CTNND2: variants seen among roughly 807,000 people sequenced by gnomAD.
The protein encoded by CTNND2 is catenin delta 2, also known as catenin delta-2.
CTNND2 carries 22 observed loss-of-function variants against 144.4 expected under a neutral mutation model. The observed-to-expected ratio is 0.15, with a 90% CI of 0.11 to 0.22. CTNND2 has a LOEUF of 0.22. CTNND2 is among the 10% of genes least tolerant of loss of function. CTNND2 has a pLI of 1.00. For missense variants in CTNND2, 1,353 were observed against 1,618.8 expected, an observed-to-expected ratio of 0.84 and a Z score of 2.82; for synonymous variants, 751 against 695.6, an observed-to-expected ratio of 1.08 and a Z score of -1.25.
chr5:11,457,724 G>A (rs1166865190), intron 3 of CTNND2, among the ~76,000 whole-genome samples: 1 of 152,218 alleles, frequency 6.6e-6, no homozygotes, highest in Non-Finnish European at 1.5e-5. Flanking sequence ...GGACACTTGT[G>A]TAGGATCCAG....
At chr5:11,150,617 CTTTTTTTTTTTT>C (rs10602477) in intron 12 of CTNND2, among the ~76,000 whole-genome samples, 7 of 72,016 alleles carry the variant, frequency 9.7e-5, no homozygotes, top group Admixed American at 3.9e-4. Flanking sequence ...CTGCTGCCTT[CTTTTTTTTTTTT>C]TTTTTTTTTT....
intron 1 of CTNND2, among the ~76,000 whole-genome samples, chr5:11,891,270 G>A (rs1329681166): frequency 6.6e-6 from 1 of 152,140 alleles, no homozygotes; most frequent in Non-Finnish European, 1.5e-5. Context: ...TTTAAACTGA[G>A]CTGAATAATC....
intron 1 of CTNND2, among the ~76,000 whole-genome samples, chr5:11,743,348 C>T (rs573289617): frequency 2.0e-5 from 3 of 152,248 alleles, no homozygotes; most frequent in Admixed American, 2.0e-4. Flanking sequence ...AAGATAGCTG[C>T]TTTTCAGTAA....
intron 3 of CTNND2, among the ~76,000 whole-genome samples, chr5:11,452,054 C>A (rs1258357589): frequency 6.6e-6 from 1 of 152,162 alleles, no homozygotes; most frequent in African/African-American, 2.4e-5. Context: ...GCTAAACATG[C>A]TTCAGGAAGA....
At chr5:11,892,708 C>G (rs1287035208) in intron 1 of CTNND2, among the ~76,000 whole-genome samples, 1 of 151,670 alleles carries the variant, frequency 6.6e-6, no homozygotes, top group East Asian at 1.9e-4. Flanking sequence ...AAAAACCTCA[C>G]ATAGCCACCA....
chr5:11,368,544 C>T (rs538803713), intron 7 of CTNND2, among the ~76,000 whole-genome samples: 192 of 152,264 alleles, frequency 1.3e-3, no homozygotes, highest in Non-Finnish European at 2.2e-3. Flanking sequence ...TATGTTGACA[C>T]GTTTAATCCT....
intron 2 of CTNND2, among the ~76,000 whole-genome samples, chr5:11,572,900 T>C (rs1030190744): frequency 1.3e-5 from 2 of 152,220 alleles, no homozygotes; most frequent in African/African-American, 2.4e-5. Context: ...TTTGCAATAA[T>C]AGAGCAAAAT....
At chr5:11,173,733 A>G (rs1760180076) in intron 11 of CTNND2, among the ~76,000 whole-genome samples, 1 of 152,182 alleles carries the variant, frequency 6.6e-6, no homozygotes, top group South Asian at 2.1e-4. Context: ...GCTTTGAAAA[A>G]TCTTTTATTA....
chr5:11,501,180 C>T (rs969306883), intron 3 of CTNND2, among the ~76,000 whole-genome samples: 1 of 152,172 alleles, frequency 6.6e-6, no homozygotes, highest in Non-Finnish European at 1.5e-5. Context: ...ACAGCTAATG[C>T]TAGAAAAATA....
intron 16 of CTNND2, among the ~76,000 whole-genome samples, chr5:11,031,635 A>G (rs1169132892): frequency 3.3e-5 from 5 of 152,156 alleles, no homozygotes; most frequent in Non-Finnish European, 5.9e-5. Context: ...GGAGATTAAC[A>G]TTTGAGTCAG....
At chr5:11,579,623 A>C (rs903889968) in intron 2 of CTNND2, among the ~76,000 whole-genome samples, 1 of 152,228 alleles carries the variant, frequency 6.6e-6, no homozygotes, top group Non-Finnish European at 1.5e-5. Context: ...GCAGCCCATA[A>C]CAACTTAGTT....
At chr5:11,286,830 T>C (rs912414443) in intron 9 of CTNND2, among the ~76,000 whole-genome samples, 2 of 152,206 alleles carry the variant, frequency 1.3e-5, no homozygotes, top group African/African-American at 4.8e-5. Context: ...GCAACGTTCA[T>C]GCTCTGAAAA....
At chr5:11,548,615 T>G (rs1229729932) in intron 3 of CTNND2, among the ~76,000 whole-genome samples, 1 of 152,212 alleles carries the variant, frequency 6.6e-6, no homozygotes, top group African/African-American at 2.4e-5. Flanking sequence ...TGTGTCCAAT[T>G]AACACCTCAG....
At chr5:11,893,505 G>T (rs1309138296) in intron 1 of CTNND2, among the ~76,000 whole-genome samples, 1 of 152,116 alleles carries the variant, frequency 6.6e-6, no homozygotes, top group African/African-American at 2.4e-5. Context: ...CATTATAATA[G>T]TTCTGTTTCT....
At chr5:11,266,601 A>G (rs1417712313) in intron 9 of CTNND2, among the ~76,000 whole-genome samples, 3 of 152,204 alleles carry the variant, frequency 2.0e-5, no homozygotes, top group African/African-American at 7.2e-5. Context: ...TCTCTAAAAC[A>G]TTGTGGAACT....
In CTNND2 at chr5:11,175,558, G is replaced by T. The variant is rs528900597; in HGVS notation, c.1976-15799C>A. On this transcript the variant is annotated intron_variant, in intron 11 of 21. Coordinates refer to ENST00000304623, the MANE Select transcript of CTNND2 (RefSeq NM_001332.4). ...GCCACATCTTAATTTTTAATGCCTG[G>T]TAATGCTCTATTTGATGGTCCATTT... 1.1e-4 allele frequency among the ~76,000 whole-genome samples: 16 copies of T among 152,174 alleles called. No homozygotes were observed. The South Asian group carries it at 2.3e-3, about 22-fold the overall frequency.
intron 7 of CTNND2, among the ~76,000 whole-genome samples, chr5:11,370,816 C>T (rs1190733431): frequency 1.3e-5 from 2 of 152,176 alleles, no homozygotes; most frequent in East Asian, 1.9e-4. Flanking sequence ...GTCTAAATGA[C>T]ATAGTATTCA....
At chr5:11,238,755 C>T (rs528648398) in intron 9 of CTNND2, among the ~76,000 whole-genome samples, 8 of 151,576 alleles carry the variant, frequency 5.3e-5, no homozygotes, top group Non-Finnish European at 7.4e-5. Context: ...TATATATATA[C>T]ACACACACAC....
chr5:11,114,185 T>G (rs1377735713), intron 13 of CTNND2, among the ~76,000 whole-genome samples: 1 of 152,220 alleles, frequency 6.6e-6, no homozygotes, highest in African/African-American at 2.4e-5. Context: ...TTTTCTTACA[T>G]CAAAGACTTG....
Sources: gnomAD v4.1 joint callset for allele counts (sites outside exome capture counted in the v4.1 genomes callset) on GRCh38, gnomAD v4.1.1 for gene constraint, MANE v1.5 for transcripts, NCBI Gene and HGNC (gene_info 2026-07-23, HGNC 2026-07-21) for gene names.